The following IFNAR2 variants were observed in gnomAD, a reference collection of about 807,000 sequenced individuals.
The protein encoded by IFNAR2 is interferon alpha/beta receptor 2.
A neutral mutation model predicts 49.4 loss-of-function variants in IFNAR2; 30 were observed. The ratio of observed to expected loss-of-function variants is 0.61; its 90% CI spans 0.45 to 0.82. IFNAR2 has a LOEUF of 0.82. IFNAR2 is among the 40% of genes least tolerant of loss of function. The pLI, the probability that IFNAR2 is intolerant of heterozygous loss-of-function variation, is 0.00. For synonymous variants in IFNAR2, 224 were observed against 234.5 expected (o/e 0.96, Z 0.41); for missense variants, 600 against 622.7 (o/e 0.96, Z 0.39).
At chr21:33,254,722 C>G (rs17860261) in intron 7 of IFNAR2, among the ~76,000 whole-genome samples, 4,232 of 152,234 alleles carry the variant, frequency 0.028, 72 homozygotes, top group South Asian at 0.056. Flanking sequence ...GGAAGCCCCC[C>G]CACTTCGAAT....
At position 33,244,802 on chromosome 21, in the gene IFNAR2, T is replaced by C. The variant is rs1450285816; in HGVS notation, c.98-149T>C. The C allele has an allele frequency of 5.7e-6, 4 of 702,026 alleles. No individual in the cohort carries two copies. The Admixed American group carries it at 9.6e-5, about 17-fold the overall frequency. The allele number at this position is 702,026 out of a possible 1,614,324, so 43.5% of individuals were successfully genotyped here. A position where few individuals can be genotyped will look rare whatever the true frequency, so the allele number is the denominator to read the frequency against. On this transcript the variant is annotated intron_variant, in intron 3 of 8. Coordinates refer to ENST00000342136, the MANE Select transcript of IFNAR2 (RefSeq NM_001289125.3). ...ACTTACTAATTTATTTCCCATGTCC[T>C]GTAGACTTCCTGTTTTCAAGACACC... is the stretch of plus-strand genomic sequence containing the variant.
At chr21:33,255,972 G>A (rs1485939995) in intron 7 of IFNAR2, among the ~76,000 whole-genome samples, 2 of 152,130 alleles carry the variant, frequency 1.3e-5, no homozygotes, top group Non-Finnish European at 2.9e-5. Flanking sequence ...AGGAACTAGG[G>A]ACAAAGACTG....
Position 33,251,747 on chromosome 21 carries a change from T to C in IFNAR2, c.541-915T>C, listed in dbSNP as rs1343077506. ...AGAGCCTTCATATCATCTTTTAAAT[T>C]CTGAAGTGAAATGCAACTACAGGAA... On this transcript the variant is annotated intron_variant, in intron 6 of 8. Coordinates refer to ENST00000342136, the MANE Select transcript of IFNAR2 (RefSeq NM_001289125.3). The C allele has an allele frequency of 4.1e-6, 4 of 985,280 alleles. No homozygotes were observed. In the East Asian group the frequency reaches 4.5e-4, roughly 112 times the overall value. The allele number at this position is 985,280 out of a possible 1,614,324, so 61.0% of individuals were successfully genotyped here. A position where few individuals can be genotyped will look rare whatever the true frequency, so the allele number is the denominator to read the frequency against.
rs748901146 is a variant in IFNAR2, at chr21:33,241,989, T to C, written c.55+12T>C. Reference sequence around the variant, plus strand: ...TTTGGTTCTCATGGGTAAGTGCTGCTTTTTATCTTAGCTCTTATAGAAGCA... The same window carrying C: ...TTTGGTTCTCATGGGTAAGTGCTGCCTTTTATCTTAGCTCTTATAGAAGCA... On this transcript the variant is annotated intron_variant, in intron 2 of 8. Transcript: ENST00000342136. 3 of 1,609,408 alleles carry C rather than the reference T, an allele frequency of 1.9e-6. No homozygotes were observed. The South Asian group carries it at 3.3e-5, about 18-fold the overall frequency.
intron 1 of IFNAR2, among the ~76,000 whole-genome samples, chr21:33,240,437 A>G (rs1394756956): frequency 6.6e-6 from 1 of 152,250 alleles, no homozygotes; most frequent in Admixed American, 6.5e-5. Context: ...ATACAACAAA[A>G]TAGCCTAACA....
At chr21:33,261,123 G>T (rs993013077) in intron 8 of IFNAR2, among the ~76,000 whole-genome samples, 10 of 135,166 alleles carry the variant, frequency 7.4e-5, no homozygotes, top group South Asian at 7.1e-4. Flanking sequence ...TGTAACCTCT[G>T]CCTCCTAGGC....
At chr21:33,253,429 A>G (rs1987998698) in intron 7 of IFNAR2, among the ~76,000 whole-genome samples, 1 of 152,176 alleles carries the variant, frequency 6.6e-6, no homozygotes, top group Admixed American at 6.5e-5. Context: ...TTGTTTTCTC[A>G]GGAAGTAGCC....
chr21:33,241,996 C>T lies in IFNAR2; in HGVS notation c.55+19C>T, dbSNP rs1380161893. 1.2e-6 allele frequency: 2 copies of T among 1,606,850 alleles called. No individual in the cohort carries two copies. The highest frequency in any genetic ancestry group is 1.7e-5 in the Admixed American group (1 of 58,682). ...CTCATGGGTAAGTGCTGCTTTTTAT[C>T]TTAGCTCTTATAGAAGCAAGCTGTG... is the stretch of plus-strand genomic sequence containing the variant. On this transcript the variant is annotated intron_variant, in intron 2 of 8. Transcript: ENST00000342136.
Position 33,264,382 on chromosome 21 carries a change from G to A in IFNAR2, c.*882G>A, listed in dbSNP as rs1433228122. On this transcript the variant is annotated 3_prime_UTR_variant, in exon 9 of 9. Coordinates refer to ENST00000342136, the MANE Select transcript of IFNAR2 (RefSeq NM_001289125.3). ...ATGTCACATCCTGTCTCCTGCAATTGGAATTCCACCTTGTCCAGCCCTCCC... is the reference window on the plus strand; with the variant it reads ...ATGTCACATCCTGTCTCCTGCAATTAGAATTCCACCTTGTCCAGCCCTCCC... 1 of 152,006 alleles carries A rather than the reference G, an allele frequency of 6.6e-6. No homozygotes were observed. The highest frequency in any genetic ancestry group is 2.1e-4 in the South Asian group (1 of 4,824). The allele number at this position is 152,006 out of a possible 1,614,324, so 9.4% of individuals were successfully genotyped here.
chr21:33,244,111 G>C (rs914209109), intron 3 of IFNAR2, among the ~76,000 whole-genome samples: 1 of 151,976 alleles, frequency 6.6e-6, no homozygotes, highest in Admixed American at 6.6e-5. Flanking sequence ...TTCTTCCTAC[G>C]TATATAAATC....
intron 8 of IFNAR2, 103 bp downstream of exon 8, chr21:33,260,830 T>TTTC: frequency 1.4e-6 from 1 of 727,444 alleles, no homozygotes; most frequent in Non-Finnish European, 2.0e-6. Flanking sequence ...AAAATCTCAT[T>TTTC]TTCTATAAAC....
At position 33,252,813 on chromosome 21, in the gene IFNAR2, C is replaced by T; in HGVS notation, c.692C>T (p.Pro231Leu). ...IKSPLKCTLL[P>L]PGQESESAES... Reference sequence around the variant, plus strand: ...TCTCCCTTAAAATGCACCCTCCTTCCACCTGGCCAGGAATCAGGTATGTTC... The same window carrying T: ...TCTCCCTTAAAATGCACCCTCCTTCTACCTGGCCAGGAATCAGGTATGTTC... The change falls in exon 7 of 9, where the codon CCA (proline) becomes CTA (leucine). Residue 231 changes from proline to leucine, a missense_variant. Physicochemically the swap from Pro to Leu is moderately conservative, Grantham distance 98 (BLOSUM62 -3). Coordinates refer to ENST00000342136, the MANE Select transcript of IFNAR2 (RefSeq NM_001289125.3). The T allele has an allele frequency of 6.2e-7, 1 of 1,613,650 alleles. No individual in the cohort carries two copies. Among genetic ancestry groups the T allele is most frequent in the South Asian group, 1.1e-5 (1 of 91,068 alleles).
At position 33,241,888 on chromosome 21, in the gene IFNAR2, G is replaced by A. The variant is rs758368907; in HGVS notation, c.-35G>A. On this transcript the variant is annotated 5_prime_UTR_variant, in exon 2 of 9. An upstream start codon of the reference 5' UTR is lost. Coordinates refer to ENST00000342136, the MANE Select transcript of IFNAR2 (RefSeq NM_001289125.3). ...TGATCACCTAATGTTGATTTCAGAT[G>A]TAAAAGTCAAGAGAAGACTCTAAAA... 1.2e-6 allele frequency: 2 copies of A among 1,608,124 alleles called. No homozygotes were observed. The highest frequency in any genetic ancestry group is 2.2e-5 in the South Asian group (2 of 90,510).
At chr21:33,231,441 G>C (rs1028017791) in intron 1 of IFNAR2, among the ~76,000 whole-genome samples, 6 of 151,936 alleles carry the variant, frequency 3.9e-5, no homozygotes, top group Non-Finnish European at 8.8e-5. Flanking sequence ...TTCCTCTAAA[G>C]TTTCTCATGT....
chr21:33,236,232 C>T (rs1175441776), intron 1 of IFNAR2, among the ~76,000 whole-genome samples: 1 of 152,128 alleles, frequency 6.6e-6, no homozygotes, highest in Admixed American at 6.5e-5. Flanking sequence ...AGAGCAGATT[C>T]ACACAGGTCC....
intron 4 of IFNAR2, 50 bp from the exon 5 acceptor site, chr21:33,246,668 C>T (rs772817055): frequency 9.5e-6 from 14 of 1,475,674 alleles, no homozygotes; most frequent in Admixed American, 1.9e-5. Flanking sequence ...AATAGACTCT[C>T]ATTACATCAA....
chr21:33,239,492 C>T (rs1254458979), intron 1 of IFNAR2, among the ~76,000 whole-genome samples: 1 of 151,988 alleles, frequency 6.6e-6, no homozygotes, highest in Non-Finnish European at 1.5e-5. Context: ...TCTGCAGGCC[C>T]AGAATGGTAA....
chr21:33,237,809 T>G (rs1197649760), intron 1 of IFNAR2, among the ~76,000 whole-genome samples: 1 of 152,180 alleles, frequency 6.6e-6, no homozygotes, highest in African/African-American at 2.4e-5. Flanking sequence ...AGGTTGGATG[T>G]GTTACTGTGG....
In IFNAR2 at chr21:33,252,816, C is replaced by T. The variant is rs1382749143; in HGVS notation, c.695C>T (p.Pro232Leu). ...KSPLKCTLLP[P>L]GQESESAESA... ...CCCTTAAAATGCACCCTCCTTCCAC[C>T]TGGCCAGGAATCAGGTATGTTCATT... Residue 232 changes from proline to leucine, a missense_variant, in exon 7 of 9, where the codon CCT becomes CTT. By Grantham distance (98) the Pro-to-Leu change is moderately conservative (BLOSUM62 -3). Coordinates refer to ENST00000342136, the MANE Select transcript of IFNAR2 (RefSeq NM_001289125.3). 3.7e-6 allele frequency: 6 copies of T among 1,613,322 alleles called. No individual in the cohort carries two copies. Among genetic ancestry groups the T allele is most frequent in the Admixed American group, 3.3e-5 (2 of 59,994 alleles).
Sources: allele counts gnomAD v4.1 joint callset (sites outside exome capture counted in the v4.1 genomes callset), GRCh38; gene constraint gnomAD v4.1.1; transcripts MANE v1.5; gene names NCBI Gene and HGNC (gene_info 2026-07-23, HGNC 2026-07-21).